Variants in DNASE2B observed in about 807,000 individuals in gnomAD.
The protein encoded by DNASE2B is deoxyribonuclease-2-beta.
In DNASE2B, 43 loss-of-function variants were observed where a neutral mutation model predicts 46.0. That is an observed-to-expected ratio of 0.94 (90% CI 0.73 to 1.21). The LOEUF (loss-of-function observed/expected upper bound fraction) is 1.21, where lower values mean the gene tolerates loss of function less well. Ranked by LOEUF, DNASE2B falls within the 50% of genes most tolerant of loss-of-function variation. The probability of loss-of-function intolerance (pLI) is 0.00; values close to 1 mark genes in which losing one functional copy is unlikely to be tolerated. For synonymous variants in DNASE2B, 156 were observed against 152.5 expected, an observed-to-expected ratio of 1.02 and a Z score of -0.17; for missense variants, 395 against 414.4, an observed-to-expected ratio of 0.95 and a Z score of 0.41.
At chr1:84,401,867 A>C in intron 1 of DNASE2B, 34 bp from the exon 2 acceptor site, 1 of 1,420,794 alleles carries the variant, frequency 7.0e-7, no homozygotes, top group Non-Finnish European at 9.3e-7. Context: ...ACAGTCAATA[A>C]ATGTTAGTAA....
intron 2 of DNASE2B, 109 bp from the exon 3 acceptor site, chr1:84,408,328 A>G: frequency 7.3e-7 from 1 of 1,367,968 alleles, no homozygotes; most frequent in Non-Finnish European, 9.5e-7. Flanking sequence ...ATGACTTCTC[A>G]TGTGTATTAA....
At chr1:84,408,223 TA>T in intron 2 of DNASE2B, 1 of 596,660 alleles carries the variant, frequency 1.7e-6, no homozygotes, top group Non-Finnish European at 2.4e-6. Context: ...GTCACATGAG[TA>T]AAAATCATGC....
intron 1 of DNASE2B, among the ~76,000 whole-genome samples, chr1:84,399,091 T>C (rs761260874): frequency 3.9e-5 from 6 of 152,252 alleles, no homozygotes; most frequent in Admixed American, 1.3e-4. Flanking sequence ...AAATGGAGCA[T>C]GTGCTGCTCC....
At position 84,410,966 on chromosome 1, in the gene DNASE2B, A is replaced by C; in HGVS notation, c.514A>C (p.Ile172Leu). The C allele has an allele frequency of 1.2e-6, 2 of 1,612,134 alleles. No homozygotes were observed. The highest frequency in any genetic ancestry group is 1.7e-6 in the Non-Finnish European group (2 of 1,179,062). The change falls in exon 4 of 6, where the codon ATA becomes CTA. Residue 172 changes from isoleucine to leucine, a missense_variant. Coordinates refer to ENST00000370665, the MANE Select transcript of DNASE2B (RefSeq NM_021233.3). Reference protein sequence around the residue: ...GRRNGQSGICITFKYNQYEAI... With the variant: ...GRRNGQSGICLTFKYNQYEAI... ...ACGAAATGGACAAAGTGGCATCTGCATAACTTTCAAGTACAACCAGTATGA... is the reference window on the plus strand; with the variant it reads ...ACGAAATGGACAAAGTGGCATCTGCCTAACTTTCAAGTACAACCAGTATGA...
At chr1:84,400,559 C>A (rs999341006) in intron 1 of DNASE2B, among the ~76,000 whole-genome samples, 4 of 152,038 alleles carry the variant, frequency 2.6e-5, no homozygotes, top group Admixed American at 1.3e-4. Context: ...TTTCTCTGGA[C>A]CTCAGCAGAA....
intron 2 of DNASE2B, among the ~76,000 whole-genome samples, chr1:84,406,921 G>A (rs1162659247): frequency 2.0e-5 from 3 of 152,126 alleles, no homozygotes; most frequent in Non-Finnish European, 2.9e-5. Flanking sequence ...AGAATCTTCC[G>A]TGTACCTTCA....
intron 5 of DNASE2B, among the ~76,000 whole-genome samples, chr1:84,413,684 A>G (rs976688080): frequency 6.6e-6 from 1 of 152,092 alleles, no homozygotes; most frequent in Admixed American, 6.5e-5. Context: ...CAAGCCCTCC[A>G]ATGATTCTCA....
At chr1:84,405,199 T>TA (rs759458340) in intron 2 of DNASE2B, among the ~76,000 whole-genome samples, 6 of 152,306 alleles carry the variant, frequency 3.9e-5, no homozygotes, top group Non-Finnish European at 5.9e-5. Flanking sequence ...TTAGATGATC[T>TA]ACCTTCCTTC....
intron 2 of DNASE2B, 121 bp from the exon 3 acceptor site, chr1:84,408,316 A>G (rs1482542921): frequency 1.5e-6 from 2 of 1,326,178 alleles, no homozygotes; most frequent in Non-Finnish European, 1.9e-6. Flanking sequence ...TTAGGGGAAT[A>G]GATGACTTCT....
Position 84,412,532 on chromosome 1 carries a change from A to C in DNASE2B, c.731A>C (p.Asp244Ala). The change falls in exon 5 of 6, where the codon GAT (aspartate) becomes GCT (alanine). Residue 244 changes from aspartate (D) to alanine (A), a missense_variant. Coordinates refer to ENST00000370665, the MANE Select transcript of DNASE2B (RefSeq NM_021233.3). ...AAATTCCTCCATTTTGCAAAGTCGGATTCTTTTCTTGACGGTATGAAAGAC... is the reference window on the plus strand; with the variant it reads ...AAATTCCTCCATTTTGCAAAGTCGGCTTCTTTTCTTGACGGTATGAAAGAC... Reference protein sequence around the residue: ...GQKFLHFAKSDSFLDDIFAAW... With the variant: ...GQKFLHFAKSASFLDDIFAAW... 1 of 1,610,578 alleles carries C rather than the reference A, an allele frequency of 6.2e-7. No homozygotes were observed. The highest frequency in any genetic ancestry group is 8.5e-7 in the Non-Finnish European group (1 of 1,177,976).
At chr1:84,409,483 C>T (rs1405506908) in intron 3 of DNASE2B, among the ~76,000 whole-genome samples, 1 of 152,184 alleles carries the variant, frequency 6.6e-6, no homozygotes, top group Non-Finnish European at 1.5e-5. Context: ...AAAAAATACT[C>T]TGCAAGCGCA....
chr1:84,409,667 G>T (rs1024239116), intron 3 of DNASE2B, among the ~76,000 whole-genome samples: 12 of 152,104 alleles, frequency 7.9e-5, no homozygotes, highest in Non-Finnish European at 1.5e-4. Flanking sequence ...TTCATAACAT[G>T]CTACATTCTT....
rs761303620 is a variant in DNASE2B at position 84,410,880 on chromosome 1, A to T, written c.428A>T (p.His143Leu). The T allele has an allele frequency of 6.2e-7, 1 of 1,613,626 alleles. No homozygotes were observed. The highest frequency in any genetic ancestry group is 1.1e-5 in the South Asian group (1 of 90,982). ...WNRVQGFWLI[H>L]SIPQFPPIPE... is the part of the protein sequence containing the mutation. The stretch of plus-strand genomic sequence containing the variant: ...AGAGTTCAAGGGTTCTGGCTGATTC[A>T]TTCCATCCCTCAGTTTCCTCCAATT... The change falls in exon 4 of 6, where the codon CAT becomes CTT. Residue 143 changes from histidine to leucine, a missense_variant. Transcript: ENST00000370665.
In DNASE2B at chr1:84,414,642, A is replaced by G. The variant is rs527804375; in HGVS notation, c.860A>G (p.Asn287Ser). 5.4e-5 allele frequency: 87 copies of G among 1,614,180 alleles called. 1 individual carries two copies. The South Asian group carries it at 9.3e-4, about 17-fold the overall frequency. Residue 287 changes from asparagine (N) to serine (S), a missense_variant, in exon 6 of 6, where the codon AAT becomes AGT. Coordinates refer to ENST00000370665, the MANE Select transcript of DNASE2B (RefSeq NM_021233.3). ...TGCTCCCTTCCTTACCATGTCTACA[A>G]TATAAAAGCAATTAAATTATCACGA... ...SNCSLPYHVY[N>S]IKAIKLSRHS...
At chr1:84,401,028 A>G (rs1680394267) in intron 1 of DNASE2B, among the ~76,000 whole-genome samples, 1 of 152,182 alleles carries the variant, frequency 6.6e-6, no homozygotes. Context: ...AATAGTGTAT[A>G]TATTATAATG....
chr1:84,408,521 A>G lies in DNASE2B; in HGVS notation c.385+3A>G, dbSNP rs1203473658. The G allele has an allele frequency of 1.2e-6, 2 of 1,603,544 alleles. No homozygotes were observed. The highest frequency in any genetic ancestry group is 1.7e-6 in the Non-Finnish European group (2 of 1,175,740). On this transcript the variant is annotated splice_donor_region_variant and intron_variant, in intron 3 of 5. Coordinates refer to ENST00000370665, the MANE Select transcript of DNASE2B (RefSeq NM_021233.3). ...CAGAAAGTATGGACACACCAAAGGT[A>G]TGACAAAGATTCTTGGTTTCTCTTT...
intron 5 of DNASE2B, among the ~76,000 whole-genome samples, chr1:84,412,990 C>T (rs1342942143): frequency 7.9e-6 from 1 of 126,708 alleles, no homozygotes; most frequent in African/African-American, 3.1e-5. Context: ...TATCTGTTCT[C>T]CTTCCTTTTT....
At chr1:84,409,601 T>C (rs1323646210) in intron 3 of DNASE2B, among the ~76,000 whole-genome samples, 1 of 152,168 alleles carries the variant, frequency 6.6e-6, no homozygotes, top group Non-Finnish European at 1.5e-5. Flanking sequence ...TTTGAAAGCT[T>C]TTTATTTAGC....
chr1:84,412,572 A>T (rs1377137102), intron 5 of DNASE2B, 26 bp downstream of exon 5: 21 of 1,571,488 alleles, frequency 1.3e-5, no homozygotes, highest in Non-Finnish European at 8.7e-7. Flanking sequence ...ATCAAACAAC[A>T]TGCTGTATAA....
Sources: allele counts gnomAD v4.1 joint callset (sites outside exome capture counted in the v4.1 genomes callset), GRCh38; gene constraint gnomAD v4.1.1; transcripts MANE v1.5; gene names NCBI Gene and HGNC (gene_info 2026-07-23, HGNC 2026-07-21).